Variants in PTPRA observed in about 807,000 individuals in gnomAD.
The protein encoded by PTPRA is receptor-type tyrosine-protein phosphatase alpha.
Under a neutral mutation model 104.8 loss-of-function variants are expected in PTPRA, and 25 were observed. That is an observed-to-expected ratio of 0.24 (90% CI 0.17 to 0.33). The LOEUF (loss-of-function observed/expected upper bound fraction) is 0.33, where lower values mean the gene tolerates loss of function less well. Ranked by LOEUF, PTPRA falls within the 10% of genes least tolerant of loss-of-function variation. The probability of loss-of-function intolerance (pLI) is 1.00; values close to 1 mark genes in which losing one functional copy is unlikely to be tolerated. For synonymous variants in PTPRA, 323 were observed against 368.9 expected (o/e 0.88, Z 1.43); for missense variants, 765 against 1,015.3 (o/e 0.75, Z 3.35).
At chr20:3,014,668 C>T (rs1277878473) in intron 11 of PTPRA, among the ~76,000 whole-genome samples, 1 of 151,988 alleles carries the variant, frequency 6.6e-6, no homozygotes, top group African/African-American at 2.4e-5. Context: ...AGTGGCTCCT[C>T]AGATTTAGGC....
At chr20:3,016,289 C>T (rs1436511902) in intron 12 of PTPRA, among the ~76,000 whole-genome samples, 1 of 152,186 alleles carries the variant, frequency 6.6e-6, no homozygotes, top group African/African-American at 2.4e-5. Context: ...AGCTCATGGG[C>T]CTGAGCCTCA....
In PTPRA at chr20:3,027,778, A is replaced by T. The variant is rs1329581531; in HGVS notation, c.1857A>T (p.Arg619=). 1 of 1,614,034 alleles carries T rather than the reference A, an allele frequency of 6.2e-7. No individual in the cohort carries two copies. The highest frequency in any genetic ancestry group is 8.5e-7 in the Non-Finnish European group (1 of 1,180,040). Residue 619 remains arginine, a synonymous_variant, in exon 20 of 24, where the codon CGA becomes CGT. Coordinates refer to ENST00000399903, the MANE Select transcript of PTPRA (RefSeq NM_001385305.1). ...PLLHTIEDFW[R]MIWEWKSCSI... is the part of the protein sequence containing the mutation. ...TCCACACAATTGAGGACTTCTGGCG[A>T]ATGATCTGGGAGTGGAAATCCTGCT...
At chr20:2,920,180 A>G (rs913827276) in intron 1 of PTPRA, among the ~76,000 whole-genome samples, 1 of 152,200 alleles carries the variant, frequency 6.6e-6, no homozygotes, top group Non-Finnish European at 1.5e-5. Context: ...AGAAGATAAC[A>G]TTTCTGTGAG....
rs1262341947 is a variant in PTPRA, at chr20:2,907,148, TAA to T, written c.-128-16058_-128-16057del. ...GTTAGTTGTCTAAATAACAACAGTT[TAA>T]GTTTCATATATAAGTGTTGTTCTGT... On this transcript the variant is annotated intron_variant, in intron 1 of 23. Coordinates refer to ENST00000399903, the MANE Select transcript of PTPRA (RefSeq NM_001385305.1). Among the ~76,000 whole-genome samples the T allele has an allele frequency of 1.3e-5, 2 of 152,350 alleles. 1 individual carries two copies. The highest frequency in any genetic ancestry group is 4.8e-5 in the African/African-American group (2 of 41,580).
intron 2 of PTPRA, among the ~76,000 whole-genome samples, chr20:2,946,814 C>T (rs2147741367): frequency 6.6e-6 from 1 of 151,802 alleles, no homozygotes; most frequent in Non-Finnish European, 1.5e-5. Flanking sequence ...CGCCACTGCA[C>T]TCCAGCCTGG....
intron 3 of PTPRA, chr20:2,955,578 A>G (rs985365055): frequency 2.1e-5 from 20 of 950,244 alleles, no homozygotes; most frequent in Admixed American, 6.2e-5. Flanking sequence ...AAGAGAAGAC[A>G]TATAATGAAA....
intron 2 of PTPRA, among the ~76,000 whole-genome samples, chr20:2,943,503 C>G (rs1234849041): frequency 6.6e-6 from 1 of 152,004 alleles, no homozygotes; most frequent in Non-Finnish European, 1.5e-5. Flanking sequence ...CTTCTGTACT[C>G]AAGAGTCCAT....
At chr20:3,013,474 A>G (rs1330343126) in intron 11 of PTPRA, among the ~76,000 whole-genome samples, 3 of 151,198 alleles carry the variant, frequency 2.0e-5, no homozygotes, top group South Asian at 2.1e-4. Context: ...CTGGAGTGCA[A>G]TGGCGCGATC....
Position 2,950,213 on chromosome 20 carries a change from GT to G in PTPRA, c.-7+2191del, listed in dbSNP as rs1374635993. ...AATTGTAAGAATATTCAGGTCTTTT[GT>G]TCTTCCTGGGCTAGTTTTTTATTCT... On this transcript the variant is annotated intron_variant, in intron 3 of 23. Coordinates refer to ENST00000399903, the MANE Select transcript of PTPRA (RefSeq NM_001385305.1). The surrounding 1 kb of genome is among the most constrained non-coding windows in gnomAD (Gnocchi z 4.0). Among the ~76,000 whole-genome samples, 1 of 151,966 alleles carries G rather than the reference GT, an allele frequency of 6.6e-6. No homozygotes were observed. Among genetic ancestry groups the G allele is most frequent in the African/African-American group, 2.4e-5 (1 of 41,388 alleles).
At chr20:2,904,690 A>G (rs955887015) in intron 1 of PTPRA, among the ~76,000 whole-genome samples, 9 of 150,760 alleles carry the variant, frequency 6.0e-5, no homozygotes, top group African/African-American at 2.2e-4. Context: ...AAAAAAGAAT[A>G]GGCAAATAAC....
intron 5 of PTPRA, among the ~76,000 whole-genome samples, chr20:2,966,514 C>T (rs1035775176): frequency 4.6e-5 from 7 of 152,120 alleles, no homozygotes; most frequent in African/African-American, 1.4e-4. Flanking sequence ...TATGAAGGTA[C>T]CTTTAATGCA....
At chr20:2,887,582 T>C (rs895753919) in intron 1 of PTPRA, among the ~76,000 whole-genome samples, 1 of 152,174 alleles carries the variant, frequency 6.6e-6, no homozygotes, top group Non-Finnish European at 1.5e-5. Flanking sequence ...TGAGCTTTTG[T>C]GTGTGGGAAG....
At chr20:2,920,713 G>A (rs1341443339) in intron 1 of PTPRA, among the ~76,000 whole-genome samples, 1 of 151,914 alleles carries the variant, frequency 6.6e-6, no homozygotes, top group Non-Finnish European at 1.5e-5. Flanking sequence ...AGGTGAGGGT[G>A]TATGTCAGAG....
chr20:2,932,425 A>G (rs754961806), intron 2 of PTPRA, among the ~76,000 whole-genome samples: 5 of 152,196 alleles, frequency 3.3e-5, no homozygotes, highest in Non-Finnish European at 7.4e-5. Context: ...ATCTGTTTAG[A>G]ACATCCGTGT....
chr20:3,017,574 T>G (rs1394166638), intron 12 of PTPRA, among the ~76,000 whole-genome samples: 1 of 152,204 alleles, frequency 6.6e-6, no homozygotes, highest in Non-Finnish European at 1.5e-5. Context: ...ACATCATTCG[T>G]GTTCTGTTTA....
intron 9 of PTPRA, among the ~76,000 whole-genome samples, chr20:3,004,479 C>T (rs2063770944): frequency 6.6e-6 from 1 of 152,214 alleles, no homozygotes; most frequent in South Asian, 2.1e-4. Flanking sequence ...GTCACCTCAC[C>T]CAAATCTTCT....
chr20:3,038,003 C>T (rs2065888069), intron 23 of PTPRA, 56 bp from the exon 24 acceptor site: 2 of 1,405,122 alleles, frequency 1.4e-6, no homozygotes, highest in South Asian at 1.2e-5. Context: ...TTAGGAATTA[C>T]AGGTACTGTG....
rs1158259570 is a variant in PTPRA, at chr20:2,873,564, C to T, written c.-325C>T. The T allele has an allele frequency of 6.6e-6, 1 of 151,660 alleles. No homozygotes were observed. The highest frequency in any genetic ancestry group is 2.4e-5 in the African/African-American group (1 of 41,374). The allele number at this position is 151,660 out of a possible 1,614,324, so 9.4% of individuals were successfully genotyped here. A position where few individuals can be genotyped will look rare whatever the true frequency, so the allele number is the denominator to read the frequency against. Reference sequence around the variant, plus strand: ...CGCGCTCGGACCCCGGCCGCTGCCGCCATCACTGTCGCCCGCCCAGTCGCC... The same window carrying T: ...CGCGCTCGGACCCCGGCCGCTGCCGTCATCACTGTCGCCCGCCCAGTCGCC... On this transcript the variant is annotated 5_prime_UTR_variant, in exon 1 of 24. Coordinates refer to ENST00000399903, the MANE Select transcript of PTPRA (RefSeq NM_001385305.1). The surrounding 1 kb of genome is among the most constrained non-coding windows in gnomAD (Gnocchi z 4.4).
chr20:2,899,547 G>T (rs74728466), intron 1 of PTPRA, among the ~76,000 whole-genome samples: 5,729 of 152,166 alleles, frequency 0.038, 269 homozygotes, highest in Admixed American at 0.11. Context: ...TGGACGGTTT[G>T]TAATATGATT....
Sources: gnomAD v4.1 joint callset for allele counts (sites outside exome capture counted in the v4.1 genomes callset) on GRCh38, gnomAD v4.1.1 for gene constraint, Gnocchi (gnomAD v3.1) non-coding constraint, MANE v1.5 for transcripts, NCBI Gene and HGNC (gene_info 2026-07-23, HGNC 2026-07-21) for gene names.